Variants in NLGN1 observed in about 807,000 individuals in gnomAD.
The protein encoded by NLGN1 is neuroligin 1.
NLGN1 carries 12 observed loss-of-function variants against 65.5 expected under a neutral mutation model. That is an observed-to-expected ratio of 0.18 (90% confidence interval 0.12 to 0.30). The LOEUF (loss-of-function observed/expected upper bound fraction) is 0.30, where lower values mean the gene tolerates loss of function less well. Ranked by LOEUF, NLGN1 falls within the 10% of genes least tolerant of loss-of-function variation. The pLI is 1.00. For missense variants in NLGN1, 750 were observed against 1,007.1 expected, an observed-to-expected ratio of 0.74 and a Z score of 3.46; for synonymous variants, 350 against 359.5, an observed-to-expected ratio of 0.97 and a Z score of 0.30.
intron 3 of NLGN1, among the ~76,000 whole-genome samples, chr3:173,752,606 G>A (rs1245161605): frequency 6.6e-6 from 1 of 152,002 alleles, no homozygotes; most frequent in Admixed American, 6.6e-5. Flanking sequence ...CTTACCTATA[G>A]CTGGACTTAA....
chr3:173,841,076 A>G (rs1396331512), intron 4 of NLGN1, among the ~76,000 whole-genome samples: 1 of 152,126 alleles, frequency 6.6e-6, no homozygotes, highest in Non-Finnish European at 1.5e-5. Flanking sequence ...TCAGTGTCTA[A>G]GTAATCCTAA....
At chr3:173,772,702 A>G (rs77676501) in intron 3 of NLGN1, among the ~76,000 whole-genome samples, 2,514 of 152,200 alleles carry the variant, frequency 0.017, 75 homozygotes, top group African/African-American at 0.057. Flanking sequence ...TTCTCCTTCA[A>G]CTTGTTAATG....
intron 2 of NLGN1, among the ~76,000 whole-genome samples, chr3:173,438,479 G>T (rs182437645): frequency 2.1e-4 from 32 of 152,134 alleles, no homozygotes; most frequent in African/African-American, 7.7e-4. Context: ...TGGATCCTGG[G>T]CTCACAGATC....
At chr3:173,564,878 A>C (rs181808989) in intron 2 of NLGN1, among the ~76,000 whole-genome samples, 3 of 152,226 alleles carry the variant, frequency 2.0e-5, no homozygotes, top group Admixed American at 6.5e-5. Context: ...ATAGGAATTC[A>C]TAAGGAAAAT....
intron 4 of NLGN1, among the ~76,000 whole-genome samples, chr3:174,191,983 T>C (rs545838224): frequency 2.6e-5 from 4 of 152,310 alleles, no homozygotes; most frequent in East Asian, 1.9e-4. Context: ...TAAAACTTCT[T>C]GTTTGACAGA....
chr3:174,290,586 T>C (rs1302942191), downstream of NLGN1, among the ~76,000 whole-genome samples: 1 of 151,132 alleles, frequency 6.6e-6, no homozygotes, highest in Non-Finnish European at 1.5e-5. Flanking sequence ...AATTAAAATG[T>C]TAATACATCA....
intron 4 of NLGN1, among the ~76,000 whole-genome samples, chr3:174,007,845 G>A (rs977437330): frequency 6.6e-6 from 1 of 152,050 alleles, no homozygotes; most frequent in African/African-American, 2.4e-5. Flanking sequence ...ACATTGACTT[G>A]TGAGCTTGCA....
At chr3:174,155,724 G>A (rs1709175274) in intron 4 of NLGN1, among the ~76,000 whole-genome samples, 1 of 151,796 alleles carries the variant, frequency 6.6e-6, no homozygotes, top group African/African-American at 2.4e-5. Flanking sequence ...AACATGCAAA[G>A]TGAATAAAGA....
At chr3:173,845,923 T>C (rs1159036043) in intron 4 of NLGN1, among the ~76,000 whole-genome samples, 1 of 152,148 alleles carries the variant, frequency 6.6e-6, no homozygotes, top group African/African-American at 2.4e-5. Flanking sequence ...CTTATTTATG[T>C]GTTACTCATC....
chr3:173,961,070 G>A (rs1713437442), intron 4 of NLGN1, among the ~76,000 whole-genome samples: 1 of 151,674 alleles, frequency 6.6e-6, no homozygotes, highest in Admixed American at 6.6e-5. Flanking sequence ...TTTAGATTTG[G>A]TTTTCTAGAC....
chr3:173,495,324 A>G (rs899518569), intron 2 of NLGN1, among the ~76,000 whole-genome samples: 12 of 151,762 alleles, frequency 7.9e-5, no homozygotes, highest in Non-Finnish European at 1.5e-4. Flanking sequence ...CAATTTTTAT[A>G]CATTAATATT....
At chr3:173,857,333 A>T (rs1728190968) in intron 4 of NLGN1, among the ~76,000 whole-genome samples, 1 of 152,094 alleles carries the variant, frequency 6.6e-6, no homozygotes, top group South Asian at 2.1e-4. Flanking sequence ...AGACTAGACT[A>T]CCTGAAATTC....
Position 173,612,841 on chromosome 3 carries a change from G to A in NLGN1, c.493+7750G>A, listed in dbSNP as rs1398525431. 2.0e-5 allele frequency among the ~76,000 whole-genome samples: 3 copies of A among 152,040 alleles called. No homozygotes were observed. In the East Asian group the frequency reaches 5.8e-4, roughly 29 times the overall value. Reference sequence around the variant, plus strand: ...TGGGCATGGTTGGTTCTTTCTGAGGGCTGCGAAGAAGAATCAGTTCTGGGC... The same window carrying A: ...TGGGCATGGTTGGTTCTTTCTGAGGACTGCGAAGAAGAATCAGTTCTGGGC... On this transcript the variant is annotated intron_variant, in intron 3 of 6. Coordinates refer to ENST00000457714, the Ensembl canonical transcript of NLGN1.
chr3:173,688,523 C>A (rs1285186324), intron 3 of NLGN1, among the ~76,000 whole-genome samples: 1 of 152,116 alleles, frequency 6.6e-6, no homozygotes, highest in Non-Finnish European at 1.5e-5. Flanking sequence ...TAGCAATACA[C>A]TGGAATCAAA....
At chr3:173,705,465 G>A (rs1190381004) in intron 3 of NLGN1, among the ~76,000 whole-genome samples, 1 of 152,134 alleles carries the variant, frequency 6.6e-6, no homozygotes, top group Non-Finnish European at 1.5e-5. Context: ...GGTAATAGAT[G>A]TTAGACAGGT....
intron 4 of NLGN1, among the ~76,000 whole-genome samples, chr3:173,911,671 G>C (rs1224381649): frequency 6.6e-6 from 1 of 152,118 alleles, no homozygotes; most frequent in African/African-American, 2.4e-5. Flanking sequence ...AGTTTCTGTT[G>C]ACTGGCTCTA....
At chr3:174,264,679 A>C (rs1355804256) in intron 4 of NLGN1, among the ~76,000 whole-genome samples, 2 of 151,502 alleles carry the variant, frequency 1.3e-5, no homozygotes, top group Admixed American at 1.3e-4. Context: ...TTCTCCCCTC[A>C]GCTCGTCAAA....
At chr3:173,882,264 C>G (rs1410545781) in intron 4 of NLGN1, among the ~76,000 whole-genome samples, 1 of 152,108 alleles carries the variant, frequency 6.6e-6, no homozygotes, top group Non-Finnish European at 1.5e-5. Context: ...TTTCATGATT[C>G]TTAAGGGCCC....
chr3:174,117,134 A>G (rs532524380), intron 4 of NLGN1, among the ~76,000 whole-genome samples: 1 of 152,212 alleles, frequency 6.6e-6, no homozygotes, highest in African/African-American at 2.4e-5. Flanking sequence ...TTTCAATGAT[A>G]CTTAATATTT....
Sources: gnomAD v4.1 joint callset for allele counts (sites outside exome capture counted in the v4.1 genomes callset) on GRCh38, gnomAD v4.1.1 for gene constraint, MANE v1.5 for transcripts, NCBI Gene and HGNC (gene_info 2026-07-23, HGNC 2026-07-21) for gene names.